XRN1: variants seen among roughly 807,000 people sequenced by gnomAD.
XRN1 encodes the protein strand-exchange protein 1 homolog.
A neutral mutation model predicts 222.3 loss-of-function variants in XRN1; 67 were observed. That is an observed-to-expected ratio of 0.30 (90% CI 0.25 to 0.37). The LOEUF (loss-of-function observed/expected upper bound fraction) is 0.37, where lower values mean the gene tolerates loss of function less well. Among genes scored for constraint, XRN1 ranks in the 10% least tolerant of loss-of-function variants. The pLI, the probability that XRN1 is intolerant of heterozygous loss-of-function variation, is 1.00. For synonymous variants in XRN1, 643 were observed against 652.4 expected (o/e 0.99, Z 0.22); for missense variants, 1,707 against 2,000.2 (o/e 0.85, Z 2.80).
At chr3:142,349,128 T>C (rs975930342) in intron 32 of XRN1, among the ~76,000 whole-genome samples, 1 of 151,890 alleles carries the variant, frequency 6.6e-6, no homozygotes, top group African/African-American at 2.4e-5. Flanking sequence ...AATTTTCGTA[T>C]TGTTTTGTAG....
intron 13 of XRN1, among the ~76,000 whole-genome samples, chr3:142,415,340 TGGA>T (rs2068742817): frequency 6.6e-6 from 1 of 151,832 alleles, no homozygotes; most frequent in Admixed American, 6.6e-5. Context: ...TCAAAAAAAA[TGGA>T]GGAGTTTAGG....
In XRN1 at chr3:142,414,217, A is replaced by G. The variant is rs555234728; in HGVS notation, c.1511T>C (p.Leu504Pro). 2.7e-5 allele frequency: 44 copies of G among 1,614,054 alleles called. No homozygotes were observed. In the South Asian group the frequency reaches 4.8e-4, roughly 18 times the overall value. The change falls in exon 14 of 41, where the codon CTA becomes CCA. Residue 504 changes from leucine to proline, a missense_variant. Coordinates refer to ENST00000392981, the MANE Select transcript of XRN1 (RefSeq NM_001282857.2). ...TTCAAATGGCTTAAAAGGTTTTCCT[A>G]GTTCAAAATGGATTTTGAGTGTACT... ...NISTLKIHFE[L>P]GKPFKPFEQL...
At position 142,441,042 on chromosome 3, in the gene XRN1, C is replaced by T. The variant is rs183721937; in HGVS notation, c.75+6828G>A. ...ACCTTGTGCCACCAAGCCACCCAAG[C>T]GCTCTTAAATTTCCTCGCCACCTGT... On this transcript the variant is annotated intron_variant, in intron 1 of 40. Coordinates refer to ENST00000392981, the MANE Select transcript of XRN1 (RefSeq NM_001282857.2). Among the ~76,000 whole-genome samples, 163 of 152,264 alleles carry T rather than the reference C, an allele frequency of 1.1e-3. 1 individual carries two copies. Among genetic ancestry groups the T allele is most frequent in the African/African-American group, 3.5e-3 (147 of 41,542 alleles).
chr3:142,432,178 G>T (rs868428027), intron 2 of XRN1, among the ~76,000 whole-genome samples: 1 of 96,130 alleles, frequency 1.0e-5, no homozygotes, highest in African/African-American at 6.1e-5. Context: ...TATATAAAAT[G>T]TTTTATATAT....
chr3:142,421,570 T>C, intron 8 of XRN1, 27 bp from the exon 9 acceptor site: 2 of 1,510,910 alleles, frequency 1.3e-6, no homozygotes, highest in Admixed American at 2.0e-5. Flanking sequence ...TTTAAATCTG[T>C]ACTAAAAGCT....
chr3:142,425,212 T>C lies in XRN1; in HGVS notation c.627+10A>G. On this transcript the variant is annotated intron_variant, in intron 5 of 40. Coordinates refer to ENST00000392981, the MANE Select transcript of XRN1 (RefSeq NM_001282857.2). ...ATGCATAAGTTTATAATAATAAAAA[T>C]TATACCTACCAAGTCAGCATCTAAA... 10 of 1,530,416 alleles carry C rather than the reference T, an allele frequency of 6.5e-6. No individual in the cohort carries two copies. The highest frequency in any genetic ancestry group is 8.8e-6 in the Non-Finnish European group (10 of 1,136,716). 94.8% of individuals were successfully genotyped at this position (1,530,416 alleles called of 1,614,324 possible). A position where few individuals can be genotyped will look rare whatever the true frequency, so the allele number is the denominator to read the frequency against.
At chr3:142,443,022 C>T (rs1346994180) in intron 1 of XRN1, among the ~76,000 whole-genome samples, 3 of 152,146 alleles carry the variant, frequency 2.0e-5, no homozygotes, top group South Asian at 2.1e-4. Flanking sequence ...CGTGAGCCAC[C>T]GCGCCCGGCC....
chr3:142,439,552 T>C (rs1449143904), intron 1 of XRN1, among the ~76,000 whole-genome samples: 5 of 152,184 alleles, frequency 3.3e-5, no homozygotes, highest in Admixed American at 2.6e-4. Context: ...TAAGGAAGCA[T>C]ACCTCCCTGT....
Position 142,422,538 on chromosome 3 carries a change from C to T in XRN1, c.967+44G>A, listed in dbSNP as rs767007420. On this transcript the variant is annotated intron_variant, in intron 8 of 40. Transcript: ENST00000392981. Reference sequence around the variant, plus strand: ...AAGTCACATTTTTAGGGTAAGGTGGCACTAAATTAAAGTATCCTCGAGAGA... The same window carrying T: ...AAGTCACATTTTTAGGGTAAGGTGGTACTAAATTAAAGTATCCTCGAGAGA... The T allele has an allele frequency of 5.1e-6, 8 of 1,565,726 alleles. No homozygotes were observed. In the Admixed American group the frequency reaches 1.1e-4, roughly 21 times the overall value.
At chr3:142,367,910 T>C (rs931358835) in intron 27 of XRN1, among the ~76,000 whole-genome samples, 1 of 142,840 alleles carries the variant, frequency 7.0e-6, no homozygotes, top group Non-Finnish European at 1.5e-5. Context: ...TTTAGTTTTT[T>C]CTCCTTTTAT....
At chr3:142,380,003 C>T (rs2067254606) in intron 23 of XRN1, 79 bp downstream of exon 23, 2 of 1,074,714 alleles carry the variant, frequency 1.9e-6, no homozygotes, top group Non-Finnish European at 2.7e-6. Flanking sequence ...GAAATAAATT[C>T]AAAGGAGGTG....
At chr3:142,334,055 G>A (rs979805370) in intron 34 of XRN1, among the ~76,000 whole-genome samples, 1 of 152,060 alleles carries the variant, frequency 6.6e-6, no homozygotes, top group Non-Finnish European at 1.5e-5. Context: ...GATTCTAATT[G>A]TATATCAGTA....
In XRN1 at chr3:142,431,877, A is replaced by T. The variant is rs372469931; in HGVS notation, c.308+784T>A. On this transcript the variant is annotated intron_variant, in intron 2 of 40. Coordinates refer to ENST00000392981, the MANE Select transcript of XRN1 (RefSeq NM_001282857.2). ...TATATTATATATAATATATTATATTATATATATTATATATAATATATATAT... is the reference window on the plus strand; with the variant it reads ...TATATTATATATAATATATTATATTTTATATATTATATATAATATATATAT... Among the ~76,000 whole-genome samples the T allele has an allele frequency of 1.6e-3, 75 of 47,298 alleles. 3 individuals carry two copies. The highest frequency in any genetic ancestry group is 1.7e-4 in the Non-Finnish European group (5 of 29,084). 31.0% of individuals were successfully genotyped at this position (47,298 alleles called of 152,430 possible). A position where few individuals can be genotyped will look rare whatever the true frequency, so the allele number is the denominator to read the frequency against.
intron 37 of XRN1, among the ~76,000 whole-genome samples, chr3:142,323,558 C>G (rs1388109483): frequency 6.6e-6 from 1 of 152,042 alleles, no homozygotes; most frequent in African/African-American, 2.4e-5. Context: ...CTTCATTTTT[C>G]TAATTTTGTA....
At chr3:142,341,162 T>TTATTATTAAA (rs2065982055) in intron 33 of XRN1, among the ~76,000 whole-genome samples, 3 of 152,148 alleles carry the variant, frequency 2.0e-5, no homozygotes, top group Admixed American at 6.5e-5. Flanking sequence ...AGGATGAAGT[T>TTATTATTAAA]AAATTATAGA....
intron 33 of XRN1, among the ~76,000 whole-genome samples, chr3:142,336,395 T>TGAAAAAATAAAAAG (rs1223370315): frequency 6.8e-6 from 1 of 146,716 alleles, no homozygotes; most frequent in East Asian, 2.0e-4. Flanking sequence ...TAAGCCAGTC[T>TGAAAAAATAAAAAG]GAAAAAATAA....
At chr3:142,396,883 A>T (rs1244029508) in intron 20 of XRN1, among the ~76,000 whole-genome samples, 1 of 152,172 alleles carries the variant, frequency 6.6e-6, no homozygotes. Context: ...TTAGCATTTC[A>T]GTTTGGCTGC....
In XRN1 at chr3:142,310,695, A is replaced by G. The variant is rs1243129277; in HGVS notation, c.*816T>C. The G allele has an allele frequency of 6.6e-6, 1 of 152,656 alleles. No homozygotes were observed. The highest frequency in any genetic ancestry group is 1.5e-5 in the Non-Finnish European group (1 of 68,038). The allele number at this position is 152,656 out of a possible 1,614,324, so 9.5% of individuals were successfully genotyped here. A position where few individuals can be genotyped will look rare whatever the true frequency, so the allele number is the denominator to read the frequency against. On this transcript the variant is annotated 3_prime_UTR_variant, in exon 41 of 41. Coordinates refer to ENST00000392981, the MANE Select transcript of XRN1 (RefSeq NM_001282857.2). ...ATAATACAGTTTATTAATTAACATG[A>G]CTAATATTTCATATTTTATTTTGTT...
chr3:142,321,565 C>T (rs78325682), intron 37 of XRN1, among the ~76,000 whole-genome samples: 12,061 of 152,204 alleles, frequency 0.079, 1,604 homozygotes, highest in African/African-American at 0.27. Flanking sequence ...GTGGGTAGTA[C>T]TGAGATCATA....
Sources: gnomAD v4.1 joint callset for allele counts (sites outside exome capture counted in the v4.1 genomes callset) on GRCh38, gnomAD v4.1.1 for gene constraint, MANE v1.5 for transcripts, NCBI Gene and HGNC (gene_info 2026-07-23, HGNC 2026-07-21) for gene names.